Variants in SCARB2 observed in about 807,000 individuals in gnomAD.
SCARB2 encodes scavenger receptor class B member 2, also known as lysosome membrane protein 2.
In SCARB2, 29 loss-of-function variants were observed where a neutral mutation model predicts 58.6. The ratio of observed to expected loss-of-function variants is 0.49; its 90% CI spans 0.37 to 0.67. SCARB2 has a LOEUF of 0.67. SCARB2 is among the 30% of genes least tolerant of loss of function. The pLI, the probability that SCARB2 is intolerant of heterozygous loss-of-function variation, is 0.00. For synonymous variants in SCARB2, 195 were observed against 210.1 expected, an observed-to-expected ratio of 0.93 and a Z score of 0.62; for missense variants, 488 against 578.5, an observed-to-expected ratio of 0.84 and a Z score of 1.60.
chr4:76,163,581 T>G (rs1000897029), intron 10 of SCARB2, 198 bp from the exon 11 acceptor site: 2 of 585,012 alleles, frequency 3.4e-6, no homozygotes, highest in Non-Finnish European at 6.0e-6. Flanking sequence ...CCTGAAGACA[T>G]TTTTTTTACT....
intron 2 of SCARB2, among the ~76,000 whole-genome samples, chr4:76,183,098 T>C (rs1295840413): frequency 6.6e-6 from 1 of 152,186 alleles, no homozygotes; most frequent in Non-Finnish European, 1.5e-5. Flanking sequence ...TGCATACAAA[T>C]AGATGAGTCT....
chr4:76,227,234 C>T (rs977065613), intron 1 of SCARB2, among the ~76,000 whole-genome samples: 1 of 152,106 alleles, frequency 6.6e-6, no homozygotes, highest in Non-Finnish European at 1.5e-5. Flanking sequence ...TCACTATTAT[C>T]GTTCAAAGAA....
rs1733131414 is a variant in SCARB2, at chr4:76,213,751, G to A, written c.-208C>T. The A allele has an allele frequency of 2.2e-6, 1 of 457,632 alleles. No individual in the cohort carries two copies. Among genetic ancestry groups the A allele is most frequent in the African/African-American group, 2.1e-5 (1 of 47,350 alleles). The allele number at this position is 457,632 out of a possible 1,614,324, so 28.3% of individuals were successfully genotyped here. A position where few individuals can be genotyped will look rare whatever the true frequency, so the allele number is the denominator to read the frequency against. On this transcript the variant is annotated 5_prime_UTR_variant, in exon 1 of 12. Transcript: ENST00000264896. ...GCACCGGGCGGATGGGGCCGCGGAG[G>A]GACGGGCCCGGACTCGGTTTCGGTT...
upstream of SCARB2, chr4:76,217,484 G>A: frequency 2.4e-6 from 1 of 408,634 alleles, no homozygotes; most frequent in Non-Finnish European, 4.3e-6. Context: ...TCAGAGAGCG[G>A]GTTGTTGAAA....
chr4:76,170,449 A>G (rs1161580770), intron 7 of SCARB2, among the ~76,000 whole-genome samples: 1 of 152,176 alleles, frequency 6.6e-6, no homozygotes, highest in East Asian at 1.9e-4. Flanking sequence ...TGTACCTCAA[A>G]GCACTAGTTT....
At chr4:76,218,232 C>T (rs562269102), upstream of SCARB2, among the ~76,000 whole-genome samples, 1 of 152,232 alleles carries the variant, frequency 6.6e-6, no homozygotes, top group African/African-American at 2.4e-5. Context: ...TAAAATGTAC[C>T]ATCACACCCT....
intron 2 of SCARB2, among the ~76,000 whole-genome samples, chr4:76,181,758 G>T (rs1358912593): frequency 6.6e-6 from 1 of 152,018 alleles, no homozygotes; most frequent in Non-Finnish European, 1.5e-5. Context: ...TAGAGATGAG[G>T]TCTTACTATG....
At chr4:76,214,463 A>G (rs1733161095), upstream of SCARB2, 1 of 368,458 alleles carries the variant, frequency 2.7e-6, no homozygotes, top group Non-Finnish European at 5.4e-6. Flanking sequence ...CAAAACCTGT[A>G]GGAAGCAAGA....
chr4:76,204,728 C>T (rs550155506), intron 1 of SCARB2, among the ~76,000 whole-genome samples: 4 of 152,144 alleles, frequency 2.6e-5, no homozygotes, highest in East Asian at 1.9e-4. Context: ...AATAAGGCCA[C>T]GGAAACAAGG....
chr4:76,220,737 T>TA (rs895638734), intron 1 of SCARB2, among the ~76,000 whole-genome samples: 1 of 152,232 alleles, frequency 6.6e-6, no homozygotes, highest in Admixed American at 6.5e-5. Flanking sequence ...ATGATCTTTT[T>TA]AAAAATCAGT....
At chr4:76,199,918 T>C (rs1578735640) in intron 1 of SCARB2, among the ~76,000 whole-genome samples, 1 of 152,180 alleles carries the variant, frequency 6.6e-6, no homozygotes, top group South Asian at 2.1e-4. Flanking sequence ...GAGGGCTCTG[T>C]TTTGACTTAA....
chr4:76,231,599 C>T (rs1733493667), intron 1 of SCARB2, among the ~76,000 whole-genome samples: 1 of 152,188 alleles, frequency 6.6e-6, no homozygotes. Context: ...TTATACTTGG[C>T]CTGATTATTT....
At chr4:76,171,441 G>T (rs1056425330) in intron 7 of SCARB2, among the ~76,000 whole-genome samples, 4 of 152,068 alleles carry the variant, frequency 2.6e-5, no homozygotes, top group Non-Finnish European at 5.9e-5. Context: ...AACCCAATCT[G>T]CCTGACTCCA....
At chr4:76,171,303 T>C (rs1732125203) in intron 7 of SCARB2, among the ~76,000 whole-genome samples, 1 of 152,174 alleles carries the variant, frequency 6.6e-6, no homozygotes, top group African/African-American at 2.4e-5. Flanking sequence ...GTTTTATATA[T>C]ATTATTTCTA....
rs1257118829 is a variant in SCARB2 at position 76,176,543 on chromosome 4, A to C, written c.613-15T>G. 6.5e-7 allele frequency: 1 copy of C among 1,527,592 alleles called. No individual in the cohort carries two copies. Among genetic ancestry groups the C allele is most frequent in the East Asian group, 2.2e-5 (1 of 44,456 alleles). The allele number at this position is 1,527,592 out of a possible 1,614,324, so 94.6% of individuals were successfully genotyped here. A position where few individuals can be genotyped will look rare whatever the true frequency, so the allele number is the denominator to read the frequency against. ...GTCCCATTTTTCTGAAAATATGTGAATATGATCATTTAAAGTAACTGTGAT... is the reference window on the plus strand; with the variant it reads ...GTCCCATTTTTCTGAAAATATGTGACTATGATCATTTAAAGTAACTGTGAT... On this transcript the variant is annotated splice_polypyrimidine_tract_variant and intron_variant, in intron 4 of 11. Transcript: ENST00000264896.
At chr4:76,209,811 C>T (rs1184531458) in intron 1 of SCARB2, among the ~76,000 whole-genome samples, 1 of 152,160 alleles carries the variant, frequency 6.6e-6, no homozygotes, top group Non-Finnish European at 1.5e-5. Flanking sequence ...TCTCTGAGAC[C>T]TAATGCTACA....
intron 1 of SCARB2, among the ~76,000 whole-genome samples, chr4:76,219,241 G>A (rs1733266512): frequency 6.6e-6 from 1 of 152,224 alleles, no homozygotes; most frequent in Non-Finnish European, 1.5e-5. Context: ...TAGTGTGTGT[G>A]GGAGACAATG....
chr4:76,219,491 T>G (rs938057351), intron 1 of SCARB2, among the ~76,000 whole-genome samples: 7 of 152,228 alleles, frequency 4.6e-5, no homozygotes, highest in African/African-American at 1.7e-4. Context: ...TCTGATTTCC[T>G]GCATGTTGTG....
chr4:76,220,824 C>T (rs762955140), intron 1 of SCARB2, among the ~76,000 whole-genome samples: 1 of 152,196 alleles, frequency 6.6e-6, no homozygotes, highest in South Asian at 2.1e-4. Flanking sequence ...GTCATAGGTA[C>T]ATTTTCTGTT....
Sources: gnomAD v4.1 joint callset for allele counts (sites outside exome capture counted in the v4.1 genomes callset) on GRCh38, gnomAD v4.1.1 for gene constraint, MANE v1.5 for transcripts, NCBI Gene and HGNC (gene_info 2026-07-23, HGNC 2026-07-21) for gene names.